AMZ1: variants seen among roughly 807,000 people sequenced by gnomAD.
The protein encoded by AMZ1 is archaemetzincin-1.
In AMZ1, 39 loss-of-function variants were observed where a neutral mutation model predicts 29.9. The ratio of observed to expected loss-of-function variants is 1.30; its 90% CI spans 1.01 to 1.70. The LOEUF (loss-of-function observed/expected upper bound fraction) is 1.70. AMZ1 is among the 40% of genes most tolerant of loss of function. The pLI is 0.00. For missense variants in AMZ1, 1,041 were observed against 680.6 expected, an observed-to-expected ratio of 1.53 and a Z score of -5.89; for synonymous variants, 458 against 304.0, an observed-to-expected ratio of 1.51 and a Z score of -5.27.
At chr7:2,698,616 T>C (rs746219565) in intron 1 of AMZ1, among the ~76,000 whole-genome samples, 15 of 149,836 alleles carry the variant, frequency 1.0e-4, no homozygotes, top group Non-Finnish European at 1.6e-4. Context: ...GAGAGAGGAT[T>C]GCTTGAGCCC....
chr7:2,695,603 C>T (rs898823376), intron 1 of AMZ1, among the ~76,000 whole-genome samples: 6 of 152,022 alleles, frequency 3.9e-5, no homozygotes, highest in African/African-American at 1.4e-4. Flanking sequence ...GTCTCAGCTA[C>T]TCAGGAGGCC....
intron 1 of AMZ1, among the ~76,000 whole-genome samples, chr7:2,699,614 G>A (rs747101783): frequency 1.3e-5 from 2 of 152,156 alleles, no homozygotes; most frequent in Non-Finnish European, 2.9e-5. Context: ...GCCGTGATGG[G>A]AGTTCTTGGG....
At chr7:2,701,365 G>A (rs1239620656) in intron 2 of AMZ1, among the ~76,000 whole-genome samples, 10 of 152,200 alleles carry the variant, frequency 6.6e-5, no homozygotes, top group Non-Finnish European at 1.5e-4. Context: ...GACGGGACTG[G>A]AACGCAGTTC....
intron 4 of AMZ1, among the ~76,000 whole-genome samples, chr7:2,749,825 C>T (rs769639779): frequency 6.6e-6 from 1 of 151,964 alleles, no homozygotes; most frequent in Non-Finnish European, 1.5e-5. Context: ...TCAGTGACCA[C>T]TGAAATTAGA....
chr7:2,763,009 G>A, upstream of AMZ1: 1 of 1,276,686 alleles, frequency 7.8e-7, no homozygotes, highest in East Asian at 3.1e-5. Context: ...GTCGCCAACA[G>A]CCCCGCCGGC....
chr7:2,753,059 T>G (rs1342970061), intron 4 of AMZ1, among the ~76,000 whole-genome samples: 1 of 152,196 alleles, frequency 6.6e-6, no homozygotes, highest in Non-Finnish European at 1.5e-5. Flanking sequence ...GAATCTGATT[T>G]CCATCTCTAG....
rs1177799003 is a variant in AMZ1 at position 2,719,060 on chromosome 7, A to AT, written c.*6184dup. 6.8e-6 allele frequency among the ~76,000 whole-genome samples: 1 copy of AT among 146,030 alleles called. No individual in the cohort carries two copies. Among genetic ancestry groups the AT allele is most frequent in the Non-Finnish European group, 1.5e-5 (1 of 67,042 alleles). ...TGAAGTGAGATCAAACTTCTACCAC[A>AT]TTCTACCTGTGCCCTTCTGGGTGGG... On this transcript the variant is annotated 3_prime_UTR_variant, in exon 7 of 7. Transcript: ENST00000683327.
rs1788517505 is a variant in AMZ1, at chr7:2,708,592, CA to C, written c.478del (p.Ile160SerfsTer5). The C allele has an allele frequency of 8.7e-6, 14 of 1,612,376 alleles. No homozygotes were observed. Among genetic ancestry groups the C allele is most frequent in the African/African-American group, 1.3e-5 (1 of 74,920 alleles). On this transcript the variant is annotated frameshift_variant, in exon 4 of 7. Transcript: ENST00000683327. LOFTEE classifies it high-confidence loss of function. Reference protein sequence around the residue: ...SDRLQLHTDGILSFLKNNKPG... With the variant: ...SDRLQLHTDGXLSFLKNNKPG... ...CCTCTGGCCCTCTCCCCGCAGACGG[CA>C]TCCTGTCCTTCTTGAAGAACAACAA... is the stretch of plus-strand genomic sequence containing the variant.
rs1025234315 is a variant in AMZ1 at position 2,733,217 on chromosome 7, CTCTG to C, written n.550+23409_550+23412del. On this transcript the variant is annotated intron_variant and non_coding_transcript_variant, in intron 4 of 4. Coordinates refer to the AMZ1 transcript ENST00000489665. ...AAGTCCTCCTTTCACTCATGAACTC[CTCTG>C]TCTGTCTCCTTTATGGTGATCTGGG... is the stretch of plus-strand genomic sequence containing the variant. 1.1e-3 allele frequency among the ~76,000 whole-genome samples: 164 copies of C among 152,358 alleles called. 1 individual carries two copies. Among genetic ancestry groups the C allele is most frequent in the African/African-American group, 3.8e-3 (156 of 41,584 alleles).
intron 4 of AMZ1, among the ~76,000 whole-genome samples, chr7:2,745,615 C>T (rs773060873): frequency 2.6e-5 from 4 of 152,154 alleles, no homozygotes; most frequent in Non-Finnish European, 4.4e-5. Context: ...CATCAACTAA[C>T]GAGCAAAATA....
chr7:2,735,100 G>A (rs1173669741), intron 4 of AMZ1, among the ~76,000 whole-genome samples: 3 of 122,886 alleles, frequency 2.4e-5, no homozygotes, highest in Non-Finnish European at 5.5e-5. Flanking sequence ...GGGAGAAGCC[G>A]TTGGGTGCAC....
chr7:2,757,084 GA>G (rs1791334373), intron 4 of AMZ1, among the ~76,000 whole-genome samples: 1 of 149,190 alleles, frequency 6.7e-6, no homozygotes, highest in Non-Finnish European at 1.5e-5. Flanking sequence ...CAAGGCGGGG[GA>G]AAAAAGGAGG....
At chr7:2,741,835 G>A (rs755371015) in intron 4 of AMZ1, among the ~76,000 whole-genome samples, 1 of 150,472 alleles carries the variant, frequency 6.6e-6, no homozygotes, top group Non-Finnish European at 1.5e-5. Context: ...AACGCCGCAA[G>A]GATAAGAGTA....
At chr7:2,683,540 C>T (rs1292948535), upstream of AMZ1, among the ~76,000 whole-genome samples, 4 of 152,140 alleles carry the variant, frequency 2.6e-5, no homozygotes, top group Non-Finnish European at 5.9e-5. Flanking sequence ...CAGGTTCACA[C>T]CATTCTCCTG....
upstream of AMZ1, among the ~76,000 whole-genome samples, chr7:2,761,107 G>A (rs932853700): frequency 2.6e-4 from 39 of 152,190 alleles, 1 homozygote; most frequent in Admixed American, 2.5e-3. Context: ...TACACGTCTG[G>A]CTCTCGGCTG....
At chr7:2,728,373 CTTAT>C (rs1443388958) in intron 4 of AMZ1, 7 of 151,926 alleles carry the variant, frequency 4.6e-5, no homozygotes. Flanking sequence ...AACAATCTGA[CTTAT>C]TTTTCTTTTA....
intron 6 of AMZ1, 105 bp downstream of exon 6, chr7:2,709,921 G>T: frequency 6.8e-7 from 1 of 1,480,018 alleles, no homozygotes; most frequent in Non-Finnish European, 9.2e-7. Flanking sequence ...CACAGGCTTT[G>T]TCAACTGCCG....
intron 4 of AMZ1, 127 bp downstream of exon 4, chr7:2,708,843 A>G (rs1788545273): frequency 1.4e-6 from 2 of 1,427,844 alleles, no homozygotes; most frequent in South Asian, 1.3e-5. Flanking sequence ...ACACCTGTGC[A>G]TGGGAATAGA....
rs114056868 is a variant in AMZ1, at chr7:2,710,059, C to T, written c.948+243C>T. Reference sequence around the variant, plus strand: ...TGTGACTGGGAGGTTGCAGCGGGGTCGAGTGGGGACGAGGGCTTTTCTCCC... The same window carrying T: ...TGTGACTGGGAGGTTGCAGCGGGGTTGAGTGGGGACGAGGGCTTTTCTCCC... On this transcript the variant is annotated intron_variant, in intron 6 of 6. Transcript: ENST00000683327. Among the ~76,000 whole-genome samples the T allele has an allele frequency of 3.6e-3, 554 of 152,298 alleles. 5 individuals carry two copies. The highest frequency in any genetic ancestry group is 0.013 in the African/African-American group (529 of 41,570).
Sources: allele counts gnomAD v4.1 joint callset (sites outside exome capture counted in the v4.1 genomes callset), GRCh38; gene constraint gnomAD v4.1.1; transcripts MANE v1.5; gene names NCBI Gene and HGNC (gene_info 2026-07-23, HGNC 2026-07-21).